The following CNTN4 variants were observed in gnomAD, a reference collection of about 807,000 sequenced individuals.
The protein encoded by CNTN4 is contactin 4, also known as contactin-4.
CNTN4 carries 77 observed loss-of-function variants against 122.5 expected under a neutral mutation model. The observed-to-expected ratio is 0.63, with a 90% CI of 0.52 to 0.76. The LOEUF (loss-of-function observed/expected upper bound fraction) is 0.76, where lower values mean the gene tolerates loss of function less well. CNTN4 is among the 30% of genes least tolerant of loss of function. The pLI is 0.00. For synonymous variants in CNTN4, 512 were observed against 447.0 expected, an observed-to-expected ratio of 1.15 and a Z score of -1.83; for missense variants, 1,256 against 1,259.1, an observed-to-expected ratio of 1.00 and a Z score of 0.04.
At chr3:2,753,294 A>G (rs1019578172) in intron 6 of CNTN4, among the ~76,000 whole-genome samples, 9 of 152,090 alleles carry the variant, frequency 5.9e-5, no homozygotes, top group African/African-American at 2.2e-4. Flanking sequence ...CAGGTTGTTT[A>G]CCTCCTTTGT....
At chr3:2,520,864 A>G (rs1447533092) in intron 3 of CNTN4, among the ~76,000 whole-genome samples, 1 of 152,154 alleles carries the variant, frequency 6.6e-6, no homozygotes, top group East Asian at 1.9e-4. Flanking sequence ...GCCTATATTT[A>G]TTAATTCATT....
At chr3:2,874,487 G>A (rs189090777) in intron 8 of CNTN4, among the ~76,000 whole-genome samples, 280 of 152,234 alleles carry the variant, frequency 1.8e-3, no homozygotes, top group African/African-American at 4.8e-3. Context: ...TTTAACCAAC[G>A]AATACTCATT....
chr3:2,262,731 C>G, intron 2 of CNTN4, among the ~76,000 whole-genome samples: 1 of 150,914 alleles, frequency 6.6e-6, no homozygotes, highest in Non-Finnish European at 1.5e-5. Context: ...AAATACTATA[C>G]TTAGTTAGGG....
At chr3:2,467,716 G>C (rs1451935823) in intron 3 of CNTN4, among the ~76,000 whole-genome samples, 2 of 152,046 alleles carry the variant, frequency 1.3e-5, no homozygotes, top group Non-Finnish European at 2.9e-5. Flanking sequence ...AAATCTCTTA[G>C]ATATAGGTGT....
chr3:2,605,603 G>A (rs1483056710), intron 4 of CNTN4, among the ~76,000 whole-genome samples: 1 of 152,154 alleles, frequency 6.6e-6, no homozygotes, highest in East Asian at 1.9e-4. Context: ...AGATAAGGAT[G>A]GCTTAGACCC....
chr3:2,694,234 C>T (rs2085895712), intron 4 of CNTN4, among the ~76,000 whole-genome samples: 1 of 152,282 alleles, frequency 6.6e-6, no homozygotes, highest in Non-Finnish European at 1.5e-5. Flanking sequence ...CTACCATTCC[C>T]ACTTTTAAAG....
chr3:2,138,455 C>G (rs913896820), intron 2 of CNTN4, among the ~76,000 whole-genome samples: 2 of 152,120 alleles, frequency 1.3e-5, no homozygotes, highest in African/African-American at 4.8e-5. Flanking sequence ...TTTAGGTCAA[C>G]TTGACTGTAT....
chr3:2,198,634 T>G (rs2037955298), intron 2 of CNTN4, among the ~76,000 whole-genome samples: 1 of 152,128 alleles, frequency 6.6e-6, no homozygotes, highest in Admixed American at 6.6e-5. Flanking sequence ...AAAGAGAGTA[T>G]AAAAAAATAA....
intron 12 of CNTN4, among the ~76,000 whole-genome samples, chr3:2,914,101 G>T (rs1377980856): frequency 6.6e-6 from 1 of 152,064 alleles, no homozygotes. Flanking sequence ...AAAATATCAG[G>T]AGACAAATGG....
At chr3:3,050,763 CAAAAAAA>C (rs1184756504) in intron 23 of CNTN4, among the ~76,000 whole-genome samples, 1 of 85,038 alleles carries the variant, frequency 1.2e-5, no homozygotes, top group Non-Finnish European at 2.1e-5. Flanking sequence ...AACTCCGTCT[CAAAAAAA>C]AAAAAAAAAA....
chr3:2,623,677 C>A (rs531242705), intron 4 of CNTN4, among the ~76,000 whole-genome samples: 1 of 152,206 alleles, frequency 6.6e-6, no homozygotes, highest in Non-Finnish European at 1.5e-5. Context: ...AGCATAGAAA[C>A]CACTGTAGTA....
intron 3 of CNTN4, among the ~76,000 whole-genome samples, chr3:2,359,452 G>A (rs1391202174): frequency 6.6e-6 from 1 of 152,124 alleles, no homozygotes; most frequent in Non-Finnish European, 1.5e-5. Context: ...ATTTTTATTG[G>A]TATGATTTCA....
chr3:2,612,984 G>A (rs1176104923), intron 4 of CNTN4, among the ~76,000 whole-genome samples: 1 of 152,144 alleles, frequency 6.6e-6, no homozygotes, highest in East Asian at 1.9e-4. Flanking sequence ...TTAGGGTGCT[G>A]CATGTGAGCA....
intron 7 of CNTN4, among the ~76,000 whole-genome samples, chr3:2,858,599 C>T (rs533240740): frequency 2.0e-5 from 3 of 151,964 alleles, no homozygotes; most frequent in Non-Finnish European, 4.4e-5. Flanking sequence ...CAGTGGTGCA[C>T]GCCTGTGGTC....
chr3:2,343,603 G>T (rs1391711980), intron 3 of CNTN4, among the ~76,000 whole-genome samples: 1 of 152,194 alleles, frequency 6.6e-6, no homozygotes, highest in Non-Finnish European at 1.5e-5. Context: ...ACTTGCTCAA[G>T]ATTGCTCTCA....
intron 6 of CNTN4, among the ~76,000 whole-genome samples, chr3:2,794,100 C>T (rs1215857999): frequency 1.3e-5 from 2 of 152,050 alleles, no homozygotes; most frequent in African/African-American, 2.4e-5. Context: ...GGCATGCTTT[C>T]CTGTTCATTC....
intron 3 of CNTN4, among the ~76,000 whole-genome samples, chr3:2,381,375 A>G (rs1400313900): frequency 2.6e-5 from 4 of 152,132 alleles, no homozygotes; most frequent in African/African-American, 9.7e-5. Context: ...CTTGTCCTAC[A>G]TTTCCCCCTT....
chr3:2,445,017 A>G (rs1331544280), intron 3 of CNTN4, among the ~76,000 whole-genome samples: 3 of 151,294 alleles, frequency 2.0e-5, no homozygotes, highest in African/African-American at 4.9e-5. Context: ...AAAAAAATCT[A>G]TCTCTCTATC....
At chr3:2,509,413 A>G (rs1459843681) in intron 3 of CNTN4, among the ~76,000 whole-genome samples, 2 of 152,242 alleles carry the variant, frequency 1.3e-5, no homozygotes, top group African/African-American at 4.8e-5. Context: ...GAAAGTACTT[A>G]AAAAACATGT....
Sources: allele counts gnomAD v4.1 joint callset (sites outside exome capture counted in the v4.1 genomes callset), GRCh38; gene constraint gnomAD v4.1.1; transcripts MANE v1.5; gene names NCBI Gene and HGNC (gene_info 2026-07-23, HGNC 2026-07-21).